The following RIC1 variants were observed in gnomAD, a reference collection of about 807,000 sequenced individuals.
The protein encoded by RIC1 is guanine nucleotide exchange factor subunit RIC1.
A neutral mutation model predicts 169.0 loss-of-function variants in RIC1; 88 were observed. That is an observed-to-expected ratio of 0.52 (90% CI 0.44 to 0.62). RIC1 has a LOEUF of 0.62. RIC1 is among the 20% of genes least tolerant of loss of function. The probability of loss-of-function intolerance (pLI) is 0.00; values close to 1 mark genes in which losing one functional copy is unlikely to be tolerated. For missense variants in RIC1, 1,877 were observed against 1,725.5 expected (o/e 1.09, Z -1.56); for synonymous variants, 790 against 601.5 (o/e 1.31, Z -4.59).
At chr9:5,630,257 G>A (rs1166507075) in intron 1 of RIC1, among the ~76,000 whole-genome samples, 2 of 152,182 alleles carry the variant, frequency 1.3e-5, no homozygotes, top group African/African-American at 4.8e-5. Context: ...TGGTGGATGG[G>A]ATACTCCCTA....
At chr9:5,672,081 C>T (rs1820141309) in intron 2 of RIC1, among the ~76,000 whole-genome samples, 1 of 152,182 alleles carries the variant, frequency 6.6e-6, no homozygotes, top group African/African-American at 2.4e-5. Context: ...GGCCCTTCTA[C>T]TCAGAGACAG....
intron 2 of RIC1, among the ~76,000 whole-genome samples, chr9:5,673,794 A>G (rs966953300): frequency 1.3e-5 from 2 of 151,956 alleles, no homozygotes; most frequent in African/African-American, 4.8e-5. Flanking sequence ...AAGTTCCTGT[A>G]TATATTTATC....
intron 2 of RIC1, among the ~76,000 whole-genome samples, chr9:5,659,979 C>T (rs373038995): frequency 1.6e-4 from 25 of 152,222 alleles, no homozygotes; most frequent in East Asian, 3.9e-4. Context: ...GCTATTCTTC[C>T]AGATGCTCTC....
chr9:5,739,665 C>T (rs1824945350), intron 8 of RIC1, among the ~76,000 whole-genome samples: 1 of 152,080 alleles, frequency 6.6e-6, no homozygotes, highest in Non-Finnish European at 1.5e-5. Flanking sequence ...CCTCAGGCAG[C>T]ACAGGGTTTA....
At chr9:5,770,903 C>T (rs944222693) in intron 23 of RIC1, among the ~76,000 whole-genome samples, 1 of 152,096 alleles carries the variant, frequency 6.6e-6, no homozygotes, top group East Asian at 1.9e-4. Flanking sequence ...TTTGTGTTGG[C>T]ATAGGGTTAT....
chr9:5,669,563 C>G (rs959186480), intron 2 of RIC1, among the ~76,000 whole-genome samples: 27 of 152,200 alleles, frequency 1.8e-4, no homozygotes, highest in African/African-American at 6.3e-4. Context: ...TCATCTTGCC[C>G]ATATGACATC....
At chr9:5,764,488 T>C (rs1185643539) in intron 19 of RIC1, among the ~76,000 whole-genome samples, 1 of 152,210 alleles carries the variant, frequency 6.6e-6, no homozygotes, top group East Asian at 1.9e-4. Flanking sequence ...GGCTTGACAG[T>C]TGGTTATTTG....
At position 5,770,288 on chromosome 9, in the gene RIC1, A is replaced by G. The variant is rs1251166460; in HGVS notation, c.3616+10A>G. ...CCTTTATCTAATAAAGGTAAATGTAATTTTAAATCCTAGCTCTTCAGTTCC... is the reference window on the plus strand; with the variant it reads ...CCTTTATCTAATAAAGGTAAATGTAGTTTTAAATCCTAGCTCTTCAGTTCC... On this transcript the variant is annotated intron_variant, in intron 23 of 25. Transcript: ENST00000414202. The G allele has an allele frequency of 2.5e-6, 4 of 1,607,122 alleles. No homozygotes were observed. Among genetic ancestry groups the G allele is most frequent in the Non-Finnish European group, 2.6e-6 (3 of 1,175,444 alleles).
chr9:5,754,441 C>G (rs573812931), intron 14 of RIC1, among the ~76,000 whole-genome samples: 1 of 152,100 alleles, frequency 6.6e-6, no homozygotes, highest in East Asian at 1.9e-4. Flanking sequence ...ATAATTTGAT[C>G]TTTGGCTGGG....
intron 1 of RIC1, among the ~76,000 whole-genome samples, chr9:5,650,528 G>T (rs573417520): frequency 6.6e-6 from 1 of 151,954 alleles, no homozygotes; most frequent in Non-Finnish European, 1.5e-5. Context: ...GGTTGGTGTC[G>T]GTGTCAGTAG....
chr9:5,665,567 T>A (rs1259352264), intron 2 of RIC1, among the ~76,000 whole-genome samples: 1 of 152,212 alleles, frequency 6.6e-6, no homozygotes, highest in Non-Finnish European at 1.5e-5. Flanking sequence ...ATTTCTTATC[T>A]TTGTGGGCTT....
intron 2 of RIC1, among the ~76,000 whole-genome samples, chr9:5,659,424 T>A (rs141082771): frequency 6.6e-6 from 1 of 152,170 alleles, no homozygotes; most frequent in South Asian, 2.1e-4. Flanking sequence ...AGTAAAAAAT[T>A]TAACAGCCCC....
intron 1 of RIC1, among the ~76,000 whole-genome samples, chr9:5,645,646 C>T (rs567057951): frequency 6.6e-6 from 1 of 152,298 alleles, no homozygotes; most frequent in African/African-American, 2.4e-5. Flanking sequence ...AGTGGAACCA[C>T]ACACTATTTG....
chr9:5,689,350 C>G (rs1009223006), intron 2 of RIC1, among the ~76,000 whole-genome samples: 8 of 152,076 alleles, frequency 5.3e-5, no homozygotes, highest in Non-Finnish European at 8.8e-5. Flanking sequence ...CGCGCCCGGC[C>G]TACAATTTGT....
intron 2 of RIC1, among the ~76,000 whole-genome samples, chr9:5,689,044 C>CTTTTTTTTTTTTTTTTTTTTTTTT (rs34717277): frequency 2.0e-5 from 2 of 99,056 alleles, no homozygotes; most frequent in Non-Finnish European, 3.7e-5. Flanking sequence ...AATACAATTT[C>CTTTTTTTTTTTTTTTTTTTTTTTT]TTTTTTTTTT....
At chr9:5,648,975 G>C (rs959893809) in intron 1 of RIC1, among the ~76,000 whole-genome samples, 10 of 152,082 alleles carry the variant, frequency 6.6e-5, no homozygotes, top group Admixed American at 6.6e-4. Flanking sequence ...TTACTCTGTT[G>C]GATTGTTTCC....
At chr9:5,668,845 G>A (rs1017598516) in intron 2 of RIC1, among the ~76,000 whole-genome samples, 7 of 152,046 alleles carry the variant, frequency 4.6e-5, no homozygotes, top group African/African-American at 1.7e-4. Context: ...ATATTTAAGA[G>A]TGTTGATTTA....
chr9:5,662,477 T>C (rs1819512797), intron 2 of RIC1, among the ~76,000 whole-genome samples: 1 of 151,704 alleles, frequency 6.6e-6, no homozygotes, highest in African/African-American at 2.4e-5. Flanking sequence ...GTTTTTTTTT[T>C]TGGGTTGCTA....
chr9:5,689,909 C>A (rs775562679), intron 2 of RIC1, 50 bp from the exon 3 acceptor site: 3 of 1,199,216 alleles, frequency 2.5e-6, no homozygotes, highest in South Asian at 2.8e-5. Flanking sequence ...TTCAGGGTTA[C>A]AGTTATAGCC....
Sources: allele counts gnomAD v4.1 joint callset (sites outside exome capture counted in the v4.1 genomes callset), GRCh38; gene constraint gnomAD v4.1.1; transcripts MANE v1.5; gene names NCBI Gene and HGNC (gene_info 2026-07-23, HGNC 2026-07-21).